Variants in NOX4 observed in about 807,000 individuals in gnomAD.
NOX4 encodes kidney oxidase-1.
In NOX4, 69 loss-of-function variants were observed where a neutral mutation model predicts 87.6. That is an observed-to-expected ratio of 0.79 (90% CI 0.65 to 0.96). NOX4 has a LOEUF of 0.96. NOX4 is among the 40% of genes least tolerant of loss of function. NOX4 has a pLI of 0.00. For synonymous variants in NOX4, 275 were observed against 238.2 expected (o/e 1.15, Z -1.42); for missense variants, 680 against 681.5 (o/e 1.00, Z 0.02).
chr11:89,479,974 T>C (rs1946325641), intron 2 of NOX4, among the ~76,000 whole-genome samples: 1 of 152,098 alleles, frequency 6.6e-6, no homozygotes, highest in Non-Finnish European at 1.5e-5. Flanking sequence ...AATCTGTGAA[T>C]ATTCAAGTGC....
intron 7 of NOX4, among the ~76,000 whole-genome samples, chr11:89,425,507 C>T (rs1943342108): frequency 6.6e-6 from 1 of 151,140 alleles, no homozygotes; most frequent in African/African-American, 2.4e-5. Context: ...TGTGCTGTGC[C>T]ATCAGTAAAG....
In NOX4 at chr11:89,400,395, GAAAATAT is replaced by G. The variant is rs1941765663; in HGVS notation, c.847-23_847-17del. On this transcript the variant is annotated splice_polypyrimidine_tract_variant and intron_variant, in intron 9 of 17. Transcript: ENST00000263317. ...AAAGCCAAGTCTAAGACAAATTTTTGAAAATATACTTCAAGAAATACTCATATTGTAG... is the reference window on the plus strand; with the variant it reads ...AAAGCCAAGTCTAAGACAAATTTTTGACTTCAAGAAATACTCATATTGTAG... The G allele has an allele frequency of 2.6e-6, 4 of 1,554,668 alleles. No homozygotes were observed. The highest frequency in any genetic ancestry group is 3.5e-6 in the Non-Finnish European group (4 of 1,150,066).
At chr11:89,446,572 A>G (rs1279526899) in intron 4 of NOX4, among the ~76,000 whole-genome samples, 1 of 152,164 alleles carries the variant, frequency 6.6e-6, no homozygotes, top group African/African-American at 2.4e-5. Context: ...GAAAAGACAC[A>G]AAGGAAACTT....
At chr11:89,533,457 G>C in the NOX4 span, among the ~76,000 whole-genome samples, 8 of 150,718 alleles carry the variant, frequency 5.3e-5, no homozygotes, top group African/African-American at 1.9e-4. Context: ...GGACAGTTTA[G>C]GGTTACATGA....
chr11:89,364,159 A>C (rs990178140), intron 12 of NOX4, among the ~76,000 whole-genome samples: 2 of 151,990 alleles, frequency 1.3e-5, no homozygotes, highest in Non-Finnish European at 2.9e-5. Flanking sequence ...AGACAAGAGG[A>C]TTGCTCAAGC....
chr11:89,394,808 C>T (rs567838588), intron 11 of NOX4, among the ~76,000 whole-genome samples: 63 of 152,290 alleles, frequency 4.1e-4, no homozygotes, highest in African/African-American at 1.5e-3. Context: ...CAGCTTCATC[C>T]ATGGCCCTAC....
chr11:89,493,569 A>C (rs1424514152), upstream of NOX4, among the ~76,000 whole-genome samples: 1 of 152,004 alleles, frequency 6.6e-6, no homozygotes, highest in African/African-American at 2.4e-5. Flanking sequence ...ATTATTTCAT[A>C]ACTCTGTAAG....
intron 6 of NOX4, among the ~76,000 whole-genome samples, chr11:89,440,095 G>A (rs181395113): frequency 5.3e-5 from 8 of 152,080 alleles, no homozygotes; most frequent in Middle Eastern, 3.4e-3. Flanking sequence ...ATAAGAATGC[G>A]GTTGCATTGT....
the NOX4 span, among the ~76,000 whole-genome samples, chr11:89,515,540 T>C: frequency 6.6e-6 from 1 of 151,786 alleles, no homozygotes. Flanking sequence ...ATTTTCCTAA[T>C]GATGTCTTTT....
chr11:89,518,219 A>G, the NOX4 span, among the ~76,000 whole-genome samples: 2 of 152,060 alleles, frequency 1.3e-5, no homozygotes, highest in African/African-American at 2.4e-5. Context: ...TTTTTGGAAG[A>G]GACAAGCATT....
At chr11:89,564,747 G>GTTTTTTTTTTTT in the NOX4 span, among the ~76,000 whole-genome samples, 1 of 107,684 alleles carries the variant, frequency 9.3e-6, no homozygotes. Flanking sequence ...GTTGTTGTTT[G>GTTTTTTTTTTTT]TTTTTTGTTT....
chr11:89,456,795 A>G (rs948441036), intron 2 of NOX4, among the ~76,000 whole-genome samples: 7 of 152,204 alleles, frequency 4.6e-5, no homozygotes, highest in East Asian at 3.9e-4. Flanking sequence ...GGTTTGGGAC[A>G]GGAACAGCTG....
Position 89,326,810 on chromosome 11 carries a change from G to C in NOX4, c.1683C>G (p.Asn561Lys). The C allele has an allele frequency of 1.2e-6, 2 of 1,613,074 alleles. No homozygotes were observed. The highest frequency in any genetic ancestry group is 1.7e-6 in the Non-Finnish European group (2 of 1,179,314). The change falls in exon 18 of 18, where the codon AAC (asparagine) becomes AAG (lysine). Residue 561 changes from asparagine to lysine, a missense_variant. Transcript: ENST00000263317. ...ATCTTGTCCCATATGAGTTGTTCTG[G>C]TTACTCAGTTTATGAAGAGTCTTGG... Reference protein sequence around the residue: ...SLSKTLHKLSNQNNSYGTRFE... With the variant: ...SLSKTLHKLSKQNNSYGTRFE...
intron 11 of NOX4, among the ~76,000 whole-genome samples, chr11:89,395,446 T>C (rs2135155721): frequency 6.6e-6 from 1 of 152,336 alleles, no homozygotes; most frequent in Non-Finnish European, 1.5e-5. Flanking sequence ...TCTCCCATTC[T>C]GTAGGTTGCC....
chr11:89,328,058 G>T (rs1350758252), intron 17 of NOX4, among the ~76,000 whole-genome samples: 4 of 152,130 alleles, frequency 2.6e-5, no homozygotes, highest in African/African-American at 9.7e-5. Context: ...GGAAACTCCA[G>T]CAAAGATTGG....
At chr11:89,579,024 C>A in the NOX4 span, among the ~76,000 whole-genome samples, 1 of 152,106 alleles carries the variant, frequency 6.6e-6, no homozygotes, top group Non-Finnish European at 1.5e-5. Flanking sequence ...ACCTTACTTT[C>A]ATATTTTTAA....
chr11:89,515,136 C>T, the NOX4 span, among the ~76,000 whole-genome samples: 1 of 151,982 alleles, frequency 6.6e-6, no homozygotes, highest in South Asian at 2.1e-4. Context: ...TCCAGGAGTG[C>T]AATTGCTAAG....
At chr11:89,344,248 A>G (rs1171927214) in intron 13 of NOX4, among the ~76,000 whole-genome samples, 1 of 152,034 alleles carries the variant, frequency 6.6e-6, no homozygotes, top group African/African-American at 2.4e-5. Context: ...GTCACTTTAA[A>G]CAGTTCTTTT....
At chr11:89,465,534 T>C (rs1945648090) in intron 2 of NOX4, among the ~76,000 whole-genome samples, 1 of 152,328 alleles carries the variant, frequency 6.6e-6, no homozygotes, top group South Asian at 2.1e-4. Context: ...ATTTCTATTC[T>C]AGATCCTTGA....
Sources: allele counts gnomAD v4.1 joint callset (sites outside exome capture counted in the v4.1 genomes callset), GRCh38; gene constraint gnomAD v4.1.1; transcripts MANE v1.5; gene names NCBI Gene and HGNC (gene_info 2026-07-23, HGNC 2026-07-21).